NTMT1: variants seen among roughly 807,000 people sequenced by gnomAD.
NTMT1 encodes N-terminal Xaa-Pro-Lys N-methyltransferase 1.
In NTMT1, 8 loss-of-function variants were observed where a neutral mutation model predicts 17.5. The observed-to-expected ratio is 0.46, with a 90% CI of 0.27 to 0.82. The LOEUF is 0.82. Among genes scored for constraint, NTMT1 ranks in the 40% least tolerant of loss-of-function variants. The pLI is 0.15. For missense variants in NTMT1, 221 were observed against 303.5 expected (o/e 0.73, Z 2.02); for synonymous variants, 128 against 126.8 (o/e 1.01, Z -0.06).
chr9:129,613,670 C>G lies in NTMT1; in HGVS notation c.-55+4492C>G. On this transcript the variant is annotated intron_variant, in intron 1 of 3. Coordinates refer to the NTMT1 transcript ENST00000372486. This position sits in a 1 kb window ranked among gnomAD's most constrained non-coding sequence, Gnocchi z 6.2. The stretch of plus-strand genomic sequence containing the variant: ...TGGTGCCCCCACCCTCTTTTCCTCC[C>G]TCTGGCAGGCAGGGCCGGTCAGAGC... 6.3e-7 allele frequency: 1 copy of G among 1,583,538 alleles called. No homozygotes were observed.
chr9:129,611,113 A>G (rs984357273), intron 1 of NTMT1, among the ~76,000 whole-genome samples: 5 of 152,056 alleles, frequency 3.3e-5, no homozygotes, highest in African/African-American at 1.2e-4. Flanking sequence ...TCCCCCATCC[A>G]CAACCCATCC....
At chr9:129,615,471 C>T in intron 1 of NTMT1, 1 of 1,570,528 alleles carries the variant, frequency 6.4e-7, no homozygotes, top group South Asian at 1.2e-5. Flanking sequence ...GGCTCCCCAT[C>T]CTGTCTGCTT....
chr9:129,632,964 A>G (rs765573190), intron 2 of NTMT1, 99 bp downstream of exon 2: 1 of 1,382,658 alleles, frequency 7.2e-7, no homozygotes, highest in South Asian at 1.3e-5. Flanking sequence ...ACACTGCAGG[A>G]TTGTTGGCTA....
At chr9:129,628,729 C>T (rs1395058061) in intron 1 of NTMT1, 1 of 152,200 alleles carries the variant, frequency 6.6e-6, no homozygotes, top group African/African-American at 2.4e-5. Flanking sequence ...TGTGTTTGCC[C>T]CCAGATTTAT....
intron 1 of NTMT1, among the ~76,000 whole-genome samples, chr9:129,617,723 A>G (rs1400056689): frequency 1.3e-5 from 2 of 152,046 alleles, no homozygotes; most frequent in African/African-American, 2.4e-5. Flanking sequence ...TTGCTCTGTC[A>G]CCCAGGCTGG....
At chr9:129,616,633 T>C (rs146592646) in intron 1 of NTMT1, among the ~76,000 whole-genome samples, 1 of 152,304 alleles carries the variant, frequency 6.6e-6, no homozygotes, top group African/African-American at 2.4e-5. Flanking sequence ...CTTTAAATTA[T>C]AGGCACAATA....
chr9:129,612,533 T>A, intron 1 of NTMT1: 2 of 1,122,940 alleles, frequency 1.8e-6, no homozygotes, highest in Non-Finnish European at 2.6e-6. Flanking sequence ...GATTCTGTGC[T>A]GAAGCCCTGT....
chr9:129,625,196 G>A (rs1266128420), upstream of NTMT1, among the ~76,000 whole-genome samples: 1 of 152,222 alleles, frequency 6.6e-6, no homozygotes, highest in Middle Eastern at 3.2e-3. Flanking sequence ...CTGCCTCGGA[G>A]ATAGCTCCAG....
chr9:129,629,436 G>A (rs941781145), intron 1 of NTMT1, among the ~76,000 whole-genome samples: 1 of 151,970 alleles, frequency 6.6e-6, no homozygotes, highest in African/African-American at 2.4e-5. Context: ...TGTTGCCCAG[G>A]CTGGAATGCA....
At chr9:129,617,654 G>C (rs1162871156) in intron 1 of NTMT1, among the ~76,000 whole-genome samples, 1 of 152,140 alleles carries the variant, frequency 6.6e-6, no homozygotes, top group Non-Finnish European at 1.5e-5. Context: ...TGAACGTTCT[G>C]AGGTTGGTAA....
chr9:129,611,826 C>T (rs1352285033), intron 1 of NTMT1, among the ~76,000 whole-genome samples: 1 of 152,034 alleles, frequency 6.6e-6, no homozygotes, highest in Non-Finnish European at 1.5e-5. Context: ...GATCACAGCT[C>T]ACTGCAGCCT....
intron 1 of NTMT1, among the ~76,000 whole-genome samples, chr9:129,628,933 A>C (rs924061850): frequency 6.6e-6 from 1 of 152,216 alleles, no homozygotes; most frequent in Non-Finnish European, 1.5e-5. Context: ...TGCTCTCGCC[A>C]TGGTCCAGTC....
chr9:129,610,301 C>CA (rs1491134596), intron 1 of NTMT1, among the ~76,000 whole-genome samples: 1 of 68,680 alleles, frequency 1.5e-5, no homozygotes, highest in African/African-American at 5.8e-5. Flanking sequence ...GCAGGCCCCG[C>CA]CCCCCCCCCA....
At chr9:129,611,377 G>A (rs561222504) in intron 1 of NTMT1, among the ~76,000 whole-genome samples, 1 of 152,356 alleles carries the variant, frequency 6.6e-6, no homozygotes, top group South Asian at 2.1e-4. Context: ...AACCTGGTGG[G>A]CAGGGTCTGC....
upstream of NTMT1, among the ~76,000 whole-genome samples, chr9:129,623,073 C>T (rs1164787343): frequency 5.3e-5 from 8 of 151,324 alleles, no homozygotes; most frequent in Admixed American, 2.0e-4. Context: ...GTGGCTCACG[C>T]CTGTAATCCC....
Position 129,632,561 on chromosome 9 carries a change from G to T in NTMT1, c.-54-89G>T, listed in dbSNP as rs1831225525. ...CTGCACTCAGCAGGATGTGTGACTT[G>T]TGAAGCCTGGTGTGAGACTGGCCCT... On this transcript the variant is annotated intron_variant, in intron 1 of 3. Transcript: ENST00000372483. The T allele has an allele frequency of 4.4e-6, 4 of 900,700 alleles. No homozygotes were observed. The Admixed American group carries it at 8.0e-5, about 18-fold the overall frequency. The allele number at this position is 900,700 out of a possible 1,614,324, so 55.8% of individuals were successfully genotyped here.
chr9:129,635,163 T>G (rs1344455276), intron 3 of NTMT1, 45 bp from the exon 4 acceptor site: 3 of 1,579,508 alleles, frequency 1.9e-6, no homozygotes, highest in African/African-American at 1.3e-5. Context: ...AGTGCCGACA[T>G]CCGCTTGCAT....
intron 1 of NTMT1, among the ~76,000 whole-genome samples, chr9:129,612,706 T>C (rs1830149197): frequency 6.6e-6 from 1 of 152,214 alleles, no homozygotes; most frequent in South Asian, 2.1e-4. Context: ...AGTGAAACCC[T>C]GTCTCTACCG....
In NTMT1 at chr9:129,634,165, A is replaced by C; in HGVS notation, c.274A>C (p.Ile92Leu). Residue 92 changes from isoleucine to leucine, a missense_variant, in exon 3 of 4, where the codon ATA becomes CTA. Transcript: ENST00000372483. ...GTTCAGAGAGGTGGATATGGTCGAC[A>C]TAACGGAGGACTTCCTGGTTCAAGC... The part of the protein sequence containing the change: ...PLFREVDMVD[I>L]TEDFLVQAKT... The C allele has an allele frequency of 6.2e-7, 1 of 1,614,224 alleles. No individual in the cohort carries two copies. Among genetic ancestry groups the C allele is most frequent in the Non-Finnish European group, 8.5e-7 (1 of 1,180,046 alleles).
Sources: gnomAD v4.1 joint callset for allele counts (sites outside exome capture counted in the v4.1 genomes callset) on GRCh38, gnomAD v4.1.1 for gene constraint, Gnocchi (gnomAD v3.1) non-coding constraint, MANE v1.5 for transcripts, NCBI Gene and HGNC (gene_info 2026-07-23, HGNC 2026-07-21) for gene names.